BLOC1S5: variants seen among roughly 807,000 people sequenced by gnomAD.
BLOC1S5 encodes the protein biogenesis of lysosome-related organelles complex 1 subunit 5.
BLOC1S5 carries 27 observed loss-of-function variants against 24.3 expected under a neutral mutation model. That is an observed-to-expected ratio of 1.11 (90% CI 0.82 to 1.53). The LOEUF (loss-of-function observed/expected upper bound fraction) is 1.53. BLOC1S5 is among the 40% of genes most tolerant of loss of function. The pLI is 0.00. For missense variants in BLOC1S5, 239 were observed against 229.4 expected, an observed-to-expected ratio of 1.04 and a Z score of -0.27; for synonymous variants, 84 against 74.5, an observed-to-expected ratio of 1.13 and a Z score of -0.66.
At chr6:8,057,694 C>A (rs76372620) in intron 2 of BLOC1S5, among the ~76,000 whole-genome samples, 3,735 of 152,304 alleles carry the variant, frequency 0.025, 154 homozygotes, top group African/African-American at 0.083. Flanking sequence ...AAGTGAAATT[C>A]CTGTGCTGCC....
At chr6:8,040,874 T>C (rs1763654762) in intron 3 of BLOC1S5, among the ~76,000 whole-genome samples, 1 of 151,842 alleles carries the variant, frequency 6.6e-6, no homozygotes, top group Non-Finnish European at 1.5e-5. Flanking sequence ...AAAAAAAATT[T>C]GTAAAAATAG....
chr6:8,048,106 T>A (rs1295683701), intron 2 of BLOC1S5, among the ~76,000 whole-genome samples: 1 of 152,274 alleles, frequency 6.6e-6, no homozygotes, highest in Non-Finnish European at 1.5e-5. Flanking sequence ...ATTGCAGTAT[T>A]TCTCATAGGA....
chr6:8,024,445 G>A (rs1763037795), intron 4 of BLOC1S5, among the ~76,000 whole-genome samples: 1 of 147,988 alleles, frequency 6.8e-6, no homozygotes, highest in African/African-American at 2.5e-5. Flanking sequence ...TTGAACCTGG[G>A]AGGCAGCGAT....
intron 2 of BLOC1S5, among the ~76,000 whole-genome samples, chr6:8,044,283 C>CCA (rs1692109271): frequency 1.1e-5 from 1 of 89,000 alleles, no homozygotes; most frequent in Non-Finnish European, 2.2e-5. Flanking sequence ...GACTCTGTCT[C>CCA]AAAAAAAAAA....
At chr6:8,031,624 A>G (rs1017849123) in intron 3 of BLOC1S5, among the ~76,000 whole-genome samples, 6 of 152,198 alleles carry the variant, frequency 3.9e-5, no homozygotes, top group Non-Finnish European at 8.8e-5. Flanking sequence ...AAAATTCTAA[A>G]ATTCAGATGG....
chr6:8,030,420 A>G (rs892392145), intron 3 of BLOC1S5, among the ~76,000 whole-genome samples: 1 of 151,666 alleles, frequency 6.6e-6, no homozygotes, highest in African/African-American at 2.4e-5. Context: ...GGCCTCCCAA[A>G]GTGCTGGGAT....
At chr6:8,050,462 AAAGAG>A (rs1764068182) in intron 2 of BLOC1S5, among the ~76,000 whole-genome samples, 1 of 152,094 alleles carries the variant, frequency 6.6e-6, no homozygotes, top group Admixed American at 6.5e-5. Context: ...TCAAGTAAAT[AAAGAG>A]TCATAAATCT....
At chr6:8,022,532 A>T (rs115483866) in intron 4 of BLOC1S5, among the ~76,000 whole-genome samples, 4,324 of 148,820 alleles carry the variant, frequency 0.029, 366 homozygotes, top group African/African-American at 0.1. Context: ...TATATAGAAC[A>T]ATATGTACCT....
chr6:8,015,980 A>C (rs1224260029), intron 4 of BLOC1S5, 152 bp from the exon 5 acceptor site: 1 of 663,042 alleles, frequency 1.5e-6, no homozygotes, highest in Non-Finnish European at 2.5e-6. Context: ...CACATTAGAA[A>C]CATCTAAGGC....
chr6:8,017,385 A>ACAC (rs1762779555), intron 4 of BLOC1S5, among the ~76,000 whole-genome samples: 1 of 149,520 alleles, frequency 6.7e-6, no homozygotes, highest in Non-Finnish European at 1.5e-5. Flanking sequence ...CTCAAAAACA[A>ACAC]ACACACACAC....
chr6:8,023,395 G>C (rs1297322294), intron 4 of BLOC1S5, among the ~76,000 whole-genome samples: 2 of 152,120 alleles, frequency 1.3e-5, no homozygotes, highest in Non-Finnish European at 2.9e-5. Flanking sequence ...CTCAAGACCA[G>C]CCTGACCAAC....
At chr6:8,042,971 G>T (rs1763744150) in intron 2 of BLOC1S5, among the ~76,000 whole-genome samples, 1 of 152,164 alleles carries the variant, frequency 6.6e-6, no homozygotes, top group Admixed American at 6.5e-5. Context: ...TCCACTGGGG[G>T]ACGACTCTTG....
chr6:8,039,186 C>T (rs1581414110), intron 3 of BLOC1S5, among the ~76,000 whole-genome samples: 1 of 152,126 alleles, frequency 6.6e-6, no homozygotes, highest in African/African-American at 2.4e-5. Flanking sequence ...ATAAGCCAAG[C>T]ACAGAAAGAC....
intron 3 of BLOC1S5, among the ~76,000 whole-genome samples, chr6:8,028,966 TAA>T (rs373663378): frequency 3.4e-5 from 5 of 148,616 alleles, no homozygotes; most frequent in Admixed American, 2.7e-4. Context: ...TATATTGACT[TAA>T]AAAAAAAAGT....
Position 8,013,777 on chromosome 6 carries a change from C to T in BLOC1S5, c.*1872G>A, listed in dbSNP as rs1043402044. The T allele has an allele frequency of 1.3e-5, 2 of 152,140 alleles. No individual in the cohort carries two copies. Among genetic ancestry groups the T allele is most frequent in the African/African-American group, 4.8e-5 (2 of 41,440 alleles). The allele number at this position is 152,140 out of a possible 1,614,324, so 9.4% of individuals were successfully genotyped here. A position where few individuals can be genotyped will look rare whatever the true frequency, so the allele number is the denominator to read the frequency against. On this transcript the variant is annotated 3_prime_UTR_variant, in exon 5 of 5. Coordinates refer to ENST00000397457, the MANE Select transcript of BLOC1S5 (RefSeq NM_201280.3). ...AAGGGAATTTTCATTTAAGGCTCCC[C>T]TCCCTTTTCATGTGTGGGATATTTT...
intron 4 of BLOC1S5, among the ~76,000 whole-genome samples, chr6:8,016,687 C>T (rs1673874475): frequency 6.6e-6 from 1 of 151,688 alleles, no homozygotes; most frequent in Admixed American, 6.6e-5. Flanking sequence ...GCCAACATGG[C>T]AGAACCCCGT....
chr6:8,024,707 G>A (rs1349953912), intron 4 of BLOC1S5, among the ~76,000 whole-genome samples: 2 of 151,988 alleles, frequency 1.3e-5, no homozygotes, highest in Non-Finnish European at 2.9e-5. Context: ...CACGGTGACC[G>A]CTCGCATCTT....
intron 4 of BLOC1S5, among the ~76,000 whole-genome samples, chr6:8,016,502 G>A (rs191004515): frequency 1.1e-3 from 172 of 152,080 alleles, no homozygotes; most frequent in African/African-American, 4.0e-3. Flanking sequence ...AAATCAAAAT[G>A]TCTTACATAA....
rs769999238 is a variant in BLOC1S5 at position 8,015,601 on chromosome 6, A to C, written c.*48T>G. 1.9e-6 allele frequency: 3 copies of C among 1,558,340 alleles called. No homozygotes were observed. The African/African-American group carries it at 4.1e-5, about 21-fold the overall frequency. On this transcript the variant is annotated 3_prime_UTR_variant, in exon 5 of 5. Coordinates refer to ENST00000397457, the MANE Select transcript of BLOC1S5 (RefSeq NM_201280.3). ...GTCTGGTGGGAATAGTTTTCAGGAG[A>C]GAGGTGAACATCTTCTCATTAGTTT... is the stretch of plus-strand genomic sequence containing the variant.
Sources: gnomAD v4.1 joint callset for allele counts (sites outside exome capture counted in the v4.1 genomes callset) on GRCh38, gnomAD v4.1.1 for gene constraint, MANE v1.5 for transcripts, NCBI Gene and HGNC (gene_info 2026-07-23, HGNC 2026-07-21) for gene names.